Variants in MED13L observed in about 807,000 individuals in gnomAD.
MED13L encodes mediator of RNA polymerase II transcription subunit 13-like.
In MED13L, 7 loss-of-function variants were observed where a neutral mutation model predicts 220.9. That is an observed-to-expected ratio of 0.03 (90% CI 0.02 to 0.06). MED13L has a LOEUF of 0.06. Among genes scored for constraint, MED13L ranks in the 10% least tolerant of loss-of-function variants. MED13L has a pLI of 1.00. For synonymous variants in MED13L, 1,011 were observed against 1,015.2 expected, an observed-to-expected ratio of 1.00 and a Z score of 0.08; for missense variants, 1,965 against 2,760.5, an observed-to-expected ratio of 0.71 and a Z score of 6.46.
At chr12:116,068,901 G>C (rs1401477480) in intron 4 of MED13L, among the ~76,000 whole-genome samples, 1 of 152,088 alleles carries the variant, frequency 6.6e-6, no homozygotes, top group African/African-American at 2.4e-5. Context: ...TTCAAAACTT[G>C]AGAACTCTGG....
intron 14 of MED13L, among the ~76,000 whole-genome samples, chr12:115,999,643 A>C (rs533134923): frequency 5.3e-5 from 8 of 152,210 alleles, no homozygotes; most frequent in South Asian, 2.1e-4. Flanking sequence ...GCTTAAACAT[A>C]GCCTTTCTTA....
chr12:116,015,255 C>G lies in MED13L; in HGVS notation c.1029G>C (p.Gln343His), dbSNP rs749587320. ...GGGAAACCAGGTGACTGGCAGCACT[C>G]TGCATACCTCCACTCTCACCTGAAA... The part of the protein sequence containing the change: ...QAILGESGGM[Q>H]SAASHLVSQD... Residue 343 changes from glutamine to histidine, a missense_variant, in exon 8 of 31, where the codon CAG (glutamine) becomes CAC (histidine). Gln to His is a conservative substitution (Grantham distance 24). This residue lies in a region of MED13L where 818 missense variants were observed against 1,041.2 expected (regional missense o/e 0.79). Transcript: ENST00000281928. 13 of 1,613,706 alleles carry G rather than the reference C, an allele frequency of 8.1e-6. No individual in the cohort carries two copies. The highest frequency in any genetic ancestry group is 1.1e-5 in the Non-Finnish European group (13 of 1,179,828).
chr12:116,079,707 G>T (rs1871092731), intron 4 of MED13L, among the ~76,000 whole-genome samples: 2 of 151,806 alleles, frequency 1.3e-5, no homozygotes, highest in South Asian at 2.1e-4. Flanking sequence ...GCTAATATTG[G>T]TATTCTTTTT....
chr12:116,140,235 G>A (rs1194127714), intron 2 of MED13L, among the ~76,000 whole-genome samples: 1 of 151,938 alleles, frequency 6.6e-6, no homozygotes, highest in Non-Finnish European at 1.5e-5. Context: ...TAATATTTAT[G>A]CGTGATTATT....
intron 4 of MED13L, among the ~76,000 whole-genome samples, chr12:116,033,516 T>C (rs1001892148): frequency 3.9e-5 from 6 of 152,196 alleles, no homozygotes; most frequent in African/African-American, 1.4e-4. Flanking sequence ...CTCCAAATAT[T>C]TCTCCAGATG....
At chr12:116,099,532 A>T (rs913134475) in intron 3 of MED13L, among the ~76,000 whole-genome samples, 3 of 152,202 alleles carry the variant, frequency 2.0e-5, no homozygotes, top group African/African-American at 7.2e-5. Context: ...CAAAACAACC[A>T]TTTATTCAGT....
intron 1 of MED13L, among the ~76,000 whole-genome samples, chr12:116,264,828 GAATC>G (rs1218698060): frequency 6.6e-6 from 1 of 151,982 alleles, no homozygotes; most frequent in African/African-American, 2.4e-5. Flanking sequence ...TCAACCTTCT[GAATC>G]AAACTTAAAA....
chr12:116,202,265 T>G (rs1882049350), intron 2 of MED13L, among the ~76,000 whole-genome samples: 2 of 152,230 alleles, frequency 1.3e-5, no homozygotes, highest in South Asian at 4.1e-4. Context: ...AAATCCATAT[T>G]CAGTAAGGCT....
At chr12:116,000,486 A>C (rs1353334439) in intron 14 of MED13L, among the ~76,000 whole-genome samples, 1 of 152,068 alleles carries the variant, frequency 6.6e-6, no homozygotes. Flanking sequence ...AGGATGGAAG[A>C]CCTCCAACAA....
chr12:116,091,095 T>C (rs1271073828), intron 4 of MED13L, among the ~76,000 whole-genome samples: 3 of 130,374 alleles, frequency 2.3e-5, no homozygotes, highest in East Asian at 4.5e-4. Flanking sequence ...CACTCCAGCC[T>C]GGGTGACAGA....
At chr12:116,151,096 T>A (rs1284959998) in intron 2 of MED13L, among the ~76,000 whole-genome samples, 1 of 151,906 alleles carries the variant, frequency 6.6e-6, no homozygotes, top group African/African-American at 2.4e-5. Flanking sequence ...ACCAGAAGAT[T>A]AAGAGGGGGG....
chr12:115,984,408 A>G (rs1383474756), intron 19 of MED13L, 36 bp from the exon 20 acceptor site: 2 of 1,608,208 alleles, frequency 1.2e-6, no homozygotes, highest in African/African-American at 1.3e-5. Flanking sequence ...TTATAACAGG[A>G]GCCATTCCTT....
chr12:116,047,011 T>C (rs1387499256), intron 4 of MED13L, among the ~76,000 whole-genome samples: 1 of 152,070 alleles, frequency 6.6e-6, no homozygotes, highest in African/African-American at 2.4e-5. Flanking sequence ...CTTCATTTAC[T>C]TGATAGCCAA....
At chr12:116,133,438 T>C (rs536473206) in intron 2 of MED13L, among the ~76,000 whole-genome samples, 10 of 152,174 alleles carry the variant, frequency 6.6e-5, no homozygotes, top group Non-Finnish European at 1.5e-4. Context: ...AGCATGACGG[T>C]AGACCAGGCT....
chr12:116,253,133 G>A (rs555293612), intron 1 of MED13L, among the ~76,000 whole-genome samples: 6 of 148,252 alleles, frequency 4.0e-5, no homozygotes, highest in African/African-American at 7.5e-5. Context: ...GTGTTGGTGC[G>A]CACCTGTAAT....
chr12:116,265,550 A>G (rs946244499), intron 1 of MED13L, among the ~76,000 whole-genome samples: 32 of 152,180 alleles, frequency 2.1e-4, no homozygotes, highest in African/African-American at 7.7e-4. Flanking sequence ...CTCATTTGAG[A>G]TTCACGTCTG....
At chr12:116,053,130 C>T (rs1049142685) in intron 4 of MED13L, among the ~76,000 whole-genome samples, 1 of 152,176 alleles carries the variant, frequency 6.6e-6, no homozygotes, top group South Asian at 2.1e-4. Context: ...AAGAAAACCA[C>T]AGCACTAATT....
chr12:116,125,300 T>A (rs1320403711), intron 2 of MED13L, among the ~76,000 whole-genome samples: 1 of 152,100 alleles, frequency 6.6e-6, no homozygotes, highest in African/African-American at 2.4e-5. Context: ...TGTGATCCCA[T>A]CTCAATCAAT....
intron 4 of MED13L, among the ~76,000 whole-genome samples, chr12:116,056,691 G>A (rs1869002119): frequency 6.6e-6 from 1 of 152,060 alleles, no homozygotes; most frequent in South Asian, 2.1e-4. Context: ...AAGTAATCAG[G>A]TGAATAAAGA....
Sources: allele counts gnomAD v4.1 joint callset (sites outside exome capture counted in the v4.1 genomes callset), GRCh38; gene constraint gnomAD v4.1.1; regional missense constraint gnomAD v4.1.1; transcripts MANE v1.5; gene names NCBI Gene and HGNC (gene_info 2026-07-23, HGNC 2026-07-21).